Variants in BCAS3 observed in about 807,000 individuals in gnomAD.
BCAS3 encodes the protein BCAS3 microtubule associated cell migration factor, also known as BCAS4/BCAS3 fusion.
In BCAS3, 53 loss-of-function variants were observed where a neutral mutation model predicts 116.1. That is an observed-to-expected ratio of 0.46 (90% CI 0.37 to 0.57). The LOEUF (loss-of-function observed/expected upper bound fraction) is 0.57. BCAS3 is among the 20% of genes least tolerant of loss of function. BCAS3 has a pLI of 0.00. For synonymous variants in BCAS3, 391 were observed against 408.2 expected, an observed-to-expected ratio of 0.96 and a Z score of 0.51; for missense variants, 917 against 1,165.4, an observed-to-expected ratio of 0.79 and a Z score of 3.10.
At chr17:60,785,251 C>T (rs2046193862) in intron 6 of BCAS3, among the ~76,000 whole-genome samples, 1 of 152,082 alleles carries the variant, frequency 6.6e-6, no homozygotes, top group African/African-American at 2.4e-5. Flanking sequence ...CTCCACCTCC[C>T]AGGGTCAAGT....
At position 61,337,189 on chromosome 17, in the gene BCAS3, T is replaced by C. The variant is rs2056791359; in HGVS notation, c.2426-31138T>C. On this transcript the variant is annotated intron_variant, in intron 22 of 23. Transcript: ENST00000407086. The surrounding 1 kb of genome is among the most constrained non-coding windows in gnomAD (Gnocchi z 4.8). ...TCTGCCCAGGCTCCCTTTTTTATAC[T>C]TTATTTAAATCGCCTCACCCGAGTG... 6.6e-6 allele frequency among the ~76,000 whole-genome samples: 1 copy of C among 152,190 alleles called. No homozygotes were observed. Among genetic ancestry groups the C allele is most frequent in the African/African-American group, 2.4e-5 (1 of 41,430 alleles).
At chr17:61,114,882 CA>C (rs1456941328) in intron 22 of BCAS3, among the ~76,000 whole-genome samples, 2 of 151,744 alleles carry the variant, frequency 1.3e-5, no homozygotes, top group African/African-American at 4.8e-5. Flanking sequence ...GTACTGGTAC[CA>C]AAACAAAGAT....
chr17:60,950,077 A>G (rs557614218), intron 14 of BCAS3, among the ~76,000 whole-genome samples: 1 of 152,068 alleles, frequency 6.6e-6, no homozygotes, highest in Non-Finnish European at 1.5e-5. Context: ...ATAAAAAGAC[A>G]TTTTTCAGAC....
intron 4 of BCAS3, among the ~76,000 whole-genome samples, chr17:60,693,486 C>A (rs2035151487): frequency 6.6e-6 from 1 of 151,116 alleles, no homozygotes. Flanking sequence ...TTGAACTTGG[C>A]TCACTGCAGC....
At position 61,249,709 on chromosome 17, in the gene BCAS3, T is replaced by C. The variant is rs988731893; in HGVS notation, c.2426-118618T>C. 6.6e-6 allele frequency among the ~76,000 whole-genome samples: 1 copy of C among 151,874 alleles called. No individual in the cohort carries two copies. Among genetic ancestry groups the C allele is most frequent in the Non-Finnish European group, 1.5e-5 (1 of 68,032 alleles). Reference sequence around the variant, plus strand: ...TTATTTAGAAATACTTGTGAAATCATGGTCACAGGAGTTATTTCCAAGGAT... The same window carrying C: ...TTATTTAGAAATACTTGTGAAATCACGGTCACAGGAGTTATTTCCAAGGAT... On this transcript the variant is annotated intron_variant, in intron 22 of 23. Coordinates refer to ENST00000407086, the MANE Select transcript of BCAS3 (RefSeq NM_017679.5). The surrounding 1 kb of genome is among the most constrained non-coding windows in gnomAD (Gnocchi z 6.2).
At chr17:60,965,521 T>C (rs2061613396) in intron 14 of BCAS3, among the ~76,000 whole-genome samples, 1 of 152,078 alleles carries the variant, frequency 6.6e-6, no homozygotes, top group Admixed American at 6.6e-5. Flanking sequence ...ACGCCCGGCC[T>C]ATATATTGCA....
chr17:60,727,299 T>C, intron 5 of BCAS3: 3 of 1,161,538 alleles, frequency 2.6e-6, no homozygotes, highest in South Asian at 2.4e-5. Context: ...GTCTTCTTTG[T>C]GGTCTTAGCC....
At chr17:60,724,198 C>T (rs559801490) in intron 5 of BCAS3, among the ~76,000 whole-genome samples, 14 of 150,968 alleles carry the variant, frequency 9.3e-5, no homozygotes, top group South Asian at 2.1e-4. Context: ...CCAAGGCAGG[C>T]GGGCCCCTTG....
In BCAS3 at chr17:60,763,874, G is replaced by T. The variant is rs542275940; in HGVS notation, c.403+16595G>T. Among the ~76,000 whole-genome samples the T allele has an allele frequency of 9.2e-5, 14 of 152,208 alleles. No homozygotes were observed. In the East Asian group the frequency reaches 1.2e-3, roughly 13 times the overall value. On this transcript the variant is annotated intron_variant, in intron 6 of 23. Transcript: ENST00000407086. ...TATTAATTATTGCCTCAATTTCAGA[G>T]CCTGTTATCGGTCTATTCAGAGATT... is the stretch of plus-strand genomic sequence containing the variant.
In BCAS3 at chr17:61,227,424, C is replaced by T. The variant is rs2082427283; in HGVS notation, c.2426-140903C>T. 6.6e-6 allele frequency among the ~76,000 whole-genome samples: 1 copy of T among 152,086 alleles called. No individual in the cohort carries two copies. Among genetic ancestry groups the T allele is most frequent in the African/African-American group, 2.4e-5 (1 of 41,410 alleles). Reference sequence around the variant, plus strand: ...TTATAACCTAAACATGTCCCTAAGACCAGAAATTATAATTAAGAACAGAGG... The same window carrying T: ...TTATAACCTAAACATGTCCCTAAGATCAGAAATTATAATTAAGAACAGAGG... On this transcript the variant is annotated intron_variant, in intron 22 of 23. Coordinates refer to ENST00000407086, the MANE Select transcript of BCAS3 (RefSeq NM_017679.5). The surrounding 1 kb of genome is among the most constrained non-coding windows in gnomAD (Gnocchi z 6.1).
chr17:61,003,060 T>C (rs1191469314), intron 15 of BCAS3, among the ~76,000 whole-genome samples: 1 of 152,012 alleles, frequency 6.6e-6, no homozygotes, highest in African/African-American at 2.4e-5. Context: ...CCTCTTCTTT[T>C]AACTCTTCTG....
rs369466598 is a variant in BCAS3, at chr17:60,747,250, C to T, written c.374C>T (p.Ala125Val). ...LFSVRHGPIR[A>V]ARILPAPQFG... ...TCTGTTCGACATGGCCCAATTCGAG[C>T]GGCTAGAATCTTGCCTGCTCCACAG... The change falls in exon 6 of 24, where the codon GCG becomes GTG. Residue 125 changes from alanine (A) to valine (V), a missense_variant. Transcript: ENST00000407086. 40 of 1,612,864 alleles carry T rather than the reference C, an allele frequency of 2.5e-5. No individual in the cohort carries two copies. Among genetic ancestry groups the T allele is most frequent in the Non-Finnish European group, 2.9e-5 (34 of 1,179,078 alleles).
intron 7 of BCAS3, among the ~76,000 whole-genome samples, chr17:60,815,304 G>A (rs752621061): frequency 6.6e-6 from 1 of 152,146 alleles, no homozygotes; most frequent in Non-Finnish European, 1.5e-5. Flanking sequence ...TGGGGTTGGG[G>A]GAGGGGAGAG....
rs943595266 is a variant in BCAS3, at chr17:61,106,461, G to T, written c.2425+21897G>T. 1.3e-5 allele frequency among the ~76,000 whole-genome samples: 2 copies of T among 152,128 alleles called. No individual in the cohort carries two copies. The highest frequency in any genetic ancestry group is 4.8e-5 in the African/African-American group (2 of 41,426). On this transcript the variant is annotated intron_variant, in intron 22 of 23. Coordinates refer to ENST00000407086, the MANE Select transcript of BCAS3 (RefSeq NM_017679.5). The surrounding 1 kb of genome is among the most constrained non-coding windows in gnomAD (Gnocchi z 4.2). ...AAAAGAGGTTATAGCATATAGCTTA[G>T]GTGTGTTGTAGGCTATTCTATCTAG... is the stretch of plus-strand genomic sequence containing the variant.
At chr17:60,872,736 A>T (rs761180450) in intron 8 of BCAS3, among the ~76,000 whole-genome samples, 5 of 148,274 alleles carry the variant, frequency 3.4e-5, no homozygotes, top group Non-Finnish European at 7.5e-5. Flanking sequence ...CACATACCTC[A>T]TATATATCTG....
chr17:61,218,415 C>T (rs536814308), intron 22 of BCAS3, among the ~76,000 whole-genome samples: 4 of 152,320 alleles, frequency 2.6e-5, no homozygotes, highest in South Asian at 2.1e-4. Context: ...GACTCTGAGA[C>T]GTACATGCTG....
Position 61,281,841 on chromosome 17 carries a change from C to T in BCAS3, c.2426-86486C>T, listed in dbSNP as rs561492600. ...TGTATCATATTAAGTATAGCTTTCT[C>T]ATTTCTCTGTTTTTAAAAAAAATTC... On this transcript the variant is annotated intron_variant, in intron 22 of 23. Transcript: ENST00000407086. The surrounding 1 kb of genome is among the most constrained non-coding windows in gnomAD (Gnocchi z 4.2). Among the ~76,000 whole-genome samples, 1 of 152,138 alleles carries T rather than the reference C, an allele frequency of 6.6e-6. No individual in the cohort carries two copies. Among genetic ancestry groups the T allele is most frequent in the Admixed American group, 6.5e-5 (1 of 15,278 alleles).
chr17:60,754,062 C>A (rs1029393978), intron 6 of BCAS3, among the ~76,000 whole-genome samples: 1 of 22,748 alleles, frequency 4.4e-5, no homozygotes, highest in Non-Finnish European at 1.3e-3. Context: ...GAGACAGGGT[C>A]TCTCTCTCTC....
chr17:60,726,855 G>C (rs1302139513), intron 5 of BCAS3, among the ~76,000 whole-genome samples: 4 of 151,746 alleles, frequency 2.6e-5, no homozygotes, highest in Admixed American at 2.6e-4. Flanking sequence ...AAATTTCGTA[G>C]AATATGAAAA....
Sources: allele counts gnomAD v4.1 joint callset (sites outside exome capture counted in the v4.1 genomes callset), GRCh38; gene constraint gnomAD v4.1.1; non-coding constraint Gnocchi (gnomAD v3.1); transcripts MANE v1.5; gene names NCBI Gene and HGNC (gene_info 2026-07-23, HGNC 2026-07-21).